The following RPAP1 variants were observed in gnomAD, a reference collection of about 807,000 sequenced individuals.
The protein encoded by RPAP1 is RNA polymerase II associated protein 1.
RPAP1 carries 109 observed loss-of-function variants against 142.4 expected under a neutral mutation model. The observed-to-expected ratio is 0.77, with a 90% CI of 0.66 to 0.90. RPAP1 has a LOEUF of 0.90. Ranked by LOEUF, RPAP1 falls within the 40% of genes least tolerant of loss-of-function variation. The pLI is 0.00. For missense variants in RPAP1, 1,546 were observed against 1,751.7 expected, an observed-to-expected ratio of 0.88 and a Z score of 2.10; for synonymous variants, 704 against 738.9, an observed-to-expected ratio of 0.95 and a Z score of 0.77.
intron 1 of RPAP1, among the ~76,000 whole-genome samples, chr15:41,541,821 TG>T (rs1410372069): frequency 6.6e-6 from 1 of 152,154 alleles, no homozygotes; most frequent in Admixed American, 6.6e-5. Flanking sequence ...CACTCCAGCC[TG>T]GGGGACAGAG....
intron 1 of RPAP1, among the ~76,000 whole-genome samples, chr15:41,540,595 C>T (rs913136780): frequency 6.6e-6 from 1 of 152,202 alleles, no homozygotes; most frequent in African/African-American, 2.4e-5. Context: ...GCCACTGCAA[C>T]GGGCCAGTTA....
chr15:41,518,633 C>T lies in RPAP1; in HGVS notation c.3796-451G>A, dbSNP rs371077994. On this transcript the variant is annotated intron_variant, in intron 22 of 24. Coordinates refer to ENST00000304330, the MANE Select transcript of RPAP1 (RefSeq NM_015540.4). ...GGGGCGGAGGTTGCAGTGAGCCGAG[C>T]GCGCCACTGCACTCCAGCCTGGGCA... 3.6e-3 allele frequency: 552 copies of T among 151,920 alleles called. 3 individuals carry two copies. Among genetic ancestry groups the T allele is most frequent in the East Asian group, 5.8e-3 (30 of 5,130 alleles). 9.4% of individuals were successfully genotyped at this position (151,920 alleles called of 1,614,324 possible). A position where few individuals can be genotyped will look rare whatever the true frequency, so the allele number is the denominator to read the frequency against.
intron 1 of RPAP1, among the ~76,000 whole-genome samples, chr15:41,541,833 C>G (rs1267970314): frequency 2.0e-5 from 3 of 152,066 alleles, no homozygotes; most frequent in Non-Finnish European, 4.4e-5. Context: ...GGGGACAGAG[C>G]ATGAGACTCT....
At chr15:41,529,091 C>A (rs1177590347) in intron 9 of RPAP1, among the ~76,000 whole-genome samples, 2 of 152,164 alleles carry the variant, frequency 1.3e-5, no homozygotes, top group South Asian at 4.1e-4. Context: ...AATCCCAGCA[C>A]TTTGGGAGGC....
Position 41,537,469 on chromosome 15 carries a change from C to T in RPAP1, c.-76-268G>A, listed in dbSNP as rs1030432963. Among the ~76,000 whole-genome samples the T allele has an allele frequency of 5.9e-5, 9 of 151,976 alleles. No individual in the cohort carries two copies. The East Asian group carries it at 7.7e-4, about 13-fold the overall frequency. ...ACCTGAGGAAAATGTCATCAGGGGC[C>T]GAGCAGATAAATGTTGTCATAATGG... On this transcript the variant is annotated intron_variant, in intron 1 of 24. Transcript: ENST00000304330.
At chr15:41,529,673 T>C (rs1458526497) in intron 8 of RPAP1, 105 bp from the exon 9 acceptor site, 14 of 930,018 alleles carry the variant, frequency 1.5e-5, no homozygotes, top group South Asian at 3.1e-5. Flanking sequence ...GTACTGACTC[T>C]ACTTCTACCA....
Position 41,517,593 on chromosome 15 carries a change from G to A in RPAP1, c.4131C>T (p.Tyr1377=), listed in dbSNP as rs780345019. ...YSQLPPLRQH[Y]LQRLTSTVLQ... is the part of the protein sequence containing the mutation. ...GCACTGTTGAAGTCAGTCTCTGGAG[G>A]TAGTGCTGACGCAGAGGGGGCAACT... Residue 1377 remains tyrosine (Y), a synonymous_variant, in exon 25 of 25, where the codon TAC becomes TAT. Coordinates refer to ENST00000304330, the MANE Select transcript of RPAP1 (RefSeq NM_015540.4). 4 of 1,607,570 alleles carry A rather than the reference G, an allele frequency of 2.5e-6. No homozygotes were observed. The highest frequency in any genetic ancestry group is 1.7e-6 in the Non-Finnish European group (2 of 1,176,838).
At chr15:41,538,863 C>G (rs1192250757) in intron 1 of RPAP1, among the ~76,000 whole-genome samples, 1 of 151,192 alleles carries the variant, frequency 6.6e-6, no homozygotes, top group Non-Finnish European at 1.5e-5. Flanking sequence ...AGCTATATGA[C>G]TCAGAAACAT....
At position 41,530,972 on chromosome 15, in the gene RPAP1, C is replaced by T. The variant is rs1035097518; in HGVS notation, c.943+51G>A. 5 of 1,546,274 alleles carry T rather than the reference C, an allele frequency of 3.2e-6. No individual in the cohort carries two copies. In the Admixed American group the frequency reaches 5.5e-5, roughly 17 times the overall value. ...CATTTGCCAGGCCTAGGAAAAGGGA[C>T]AATTTCCCCTACTTTTATCCACCAA... is the stretch of plus-strand genomic sequence containing the variant. On this transcript the variant is annotated intron_variant, in intron 7 of 24. Transcript: ENST00000304330.
At chr15:41,531,633 T>A (rs1262297651) in intron 6 of RPAP1, among the ~76,000 whole-genome samples, 350 of 18,420 alleles carry the variant, frequency 0.019, 17 homozygotes, top group South Asian at 0.043. Context: ...ATATATTTTT[T>A]TTTTTTTTTT....
At chr15:41,533,610 C>T (rs181614046) in intron 6 of RPAP1, among the ~76,000 whole-genome samples, 72 of 152,064 alleles carry the variant, frequency 4.7e-4, no homozygotes, top group African/African-American at 1.7e-3. Context: ...CTTTGATCCA[C>T]CTGAGGTCAA....
chr15:41,523,148 C>T, intron 18 of RPAP1, 97 bp downstream of exon 18: 2 of 1,031,774 alleles, frequency 1.9e-6, no homozygotes, highest in Middle Eastern at 2.1e-4. Flanking sequence ...CGAGGGCCTG[C>T]ACCCTGGGAT....
Position 41,520,462 on chromosome 15 carries a change from C to T in RPAP1, c.3724G>A (p.Val1242Ile), listed in dbSNP as rs754509381. 6.2e-7 allele frequency: 1 copy of T among 1,614,016 alleles called. No homozygotes were observed. The highest frequency in any genetic ancestry group is 8.5e-7 in the Non-Finnish European group (1 of 1,180,014). Reference sequence around the variant, plus strand: ...CCAAAGAGGGCAAGGCGCAAGGTGACACTGAACCGACGCTGCAGGGGCAGG... The same window carrying T: ...CCAAAGAGGGCAAGGCGCAAGGTGATACTGAACCGACGCTGCAGGGGCAGG... The part of the protein sequence containing the change: ...VLLPLQRRFS[V>I]TLRLALFGEH... Residue 1242 changes from valine (V) to isoleucine (I), a missense_variant, in exon 22 of 25, where the codon GTC becomes ATC. Coordinates refer to ENST00000304330, the MANE Select transcript of RPAP1 (RefSeq NM_015540.4).
Position 41,527,435 on chromosome 15 carries a change from A to ATT in RPAP1, c.1598_1599insAA (p.His533GlnfsTer23). 6.2e-7 allele frequency: 1 copy of ATT among 1,614,074 alleles called. No homozygotes were observed. The highest frequency in any genetic ancestry group is 2.2e-5 in the East Asian group (1 of 44,880). ...GCTGTCCCTTTACCTTGATGACATCATGTCGGGCCAGGTCAGGTGGAGGCC... is the reference window on the plus strand; with the variant it reads ...GCTGTCCCTTTACCTTGATGACATCATTTGTCGGGCCAGGTCAGGTGGAGGCC... On this transcript the variant is annotated frameshift_variant, in exon 12 of 25. Transcript: ENST00000304330. LOFTEE classifies it high-confidence loss of function.
At position 41,534,510 on chromosome 15, in the gene RPAP1, G is replaced by T. The variant is rs373149949; in HGVS notation, c.763+204C>A. ...CTGAAGTGGGAGGATTGCTTGAGCCGTGAAGGTGGAGGTTGCAGTGAGCCG... is the reference window on the plus strand; with the variant it reads ...CTGAAGTGGGAGGATTGCTTGAGCCTTGAAGGTGGAGGTTGCAGTGAGCCG... On this transcript the variant is annotated intron_variant, in intron 6 of 24. Transcript: ENST00000304330. Among the ~76,000 whole-genome samples the T allele has an allele frequency of 3.1e-4, 46 of 147,006 alleles. No individual in the cohort carries two copies. The East Asian group carries it at 5.1e-3, about 16-fold the overall frequency.
In RPAP1 at chr15:41,537,119, A is replaced by G; in HGVS notation, c.7T>C (p.Ser3Pro). 1 of 1,613,814 alleles carries G rather than the reference A, an allele frequency of 6.2e-7. No individual in the cohort carries two copies. Among genetic ancestry groups the G allele is most frequent in the Non-Finnish European group, 8.5e-7 (1 of 1,179,882 alleles). MLSRPKPGESEVD... is the reference protein window; with the variant it reads MLPRPKPGESEVD... Reference sequence around the variant, plus strand: ...TCGGACTCCCCTGGCTTCGGTCTCGACAGCATCTTGCTGCTCCAGCTGCCT... The same window carrying G: ...TCGGACTCCCCTGGCTTCGGTCTCGGCAGCATCTTGCTGCTCCAGCTGCCT... Residue 3 changes from serine to proline, a missense_variant, in exon 2 of 25, where the codon TCG becomes CCG. By Grantham distance (74) the Ser-to-Pro change is moderately conservative. This residue lies in a region of RPAP1 where 1,333 missense variants were observed against 1,486.6 expected (regional missense o/e 0.90). Transcript: ENST00000304330.
chr15:41,541,718 G>A (rs576421050), intron 1 of RPAP1, among the ~76,000 whole-genome samples: 3 of 152,052 alleles, frequency 2.0e-5, no homozygotes, highest in Admixed American at 1.3e-4. Flanking sequence ...GTGGTAGCAC[G>A]CGCCTGTAGT....
chr15:41,522,937 G>T lies in RPAP1; in HGVS notation c.2570C>A (p.Pro857Gln). The T allele has an allele frequency of 6.4e-7, 1 of 1,552,522 alleles. No individual in the cohort carries two copies. The highest frequency in any genetic ancestry group is 1.4e-5 in the African/African-American group (1 of 71,158). The change falls in exon 19 of 25, where the codon CCG becomes CAG. Residue 857 changes from proline (P) to glutamine (Q), a missense_variant. This residue lies in a region of RPAP1 where 1,333 missense variants were observed against 1,486.6 expected (regional missense o/e 0.90). Transcript: ENST00000304330. ...TTCAAGGGCTGGCACACAGGACAGCGGGTTGCAGAGAAGGGAGCAGTGCCT... is the reference window on the plus strand; with the variant it reads ...TTCAAGGGCTGGCACACAGGACAGCTGGTTGCAGAGAAGGGAGCAGTGCCT... ...SLRHCSLLCN[P>Q]LSCVPALEAP...
At chr15:41,525,302 A>AT in intron 14 of RPAP1, 154 bp from the exon 15 acceptor site, 1 of 397,648 alleles carries the variant, frequency 2.5e-6, no homozygotes, top group Non-Finnish European at 4.4e-6. Flanking sequence ...CCTTCTTATT[A>AT]TTTATTTAAA....
Sources: allele counts gnomAD v4.1 joint callset (sites outside exome capture counted in the v4.1 genomes callset), GRCh38; gene constraint gnomAD v4.1.1; regional missense constraint gnomAD v4.1.1; transcripts MANE v1.5; gene names NCBI Gene and HGNC (gene_info 2026-07-23, HGNC 2026-07-21).